The following ACOT11 variants were observed in gnomAD, a reference collection of about 807,000 sequenced individuals.
ACOT11 encodes the protein acyl-CoA thioesterase 11.
ACOT11 carries 69 observed loss-of-function variants against 77.5 expected under a neutral mutation model. That is an observed-to-expected ratio of 0.89 (90% CI 0.73 to 1.09). ACOT11 has a LOEUF of 1.09. Among genes scored for constraint, ACOT11 ranks in the 50% least tolerant of loss-of-function variants. The pLI, the probability that ACOT11 is intolerant of heterozygous loss-of-function variation, is 0.00. For missense variants in ACOT11, 766 were observed against 813.7 expected (o/e 0.94, Z 0.71); for synonymous variants, 279 against 313.0 (o/e 0.89, Z 1.15).
chr1:54,575,713 C>T lies in ACOT11; in HGVS notation c.34-8942C>T, dbSNP rs555653068. Reference sequence around the variant, plus strand: ...CAAATTCTCCCACAATTAATTGAACCTTGTCACAATGGAGAGCACTGCAGA... The same window carrying T: ...CAAATTCTCCCACAATTAATTGAACTTTGTCACAATGGAGAGCACTGCAGA... On this transcript the variant is annotated intron_variant, in intron 1 of 15. Coordinates refer to ENST00000343744, the MANE Select transcript of ACOT11 (RefSeq NM_147161.4). 2.0e-5 allele frequency among the ~76,000 whole-genome samples: 3 copies of T among 152,316 alleles called. No individual in the cohort carries two copies. In the South Asian group the frequency reaches 6.2e-4, roughly 32 times the overall value.
At chr1:54,583,038 C>T (rs578368) in intron 1 of ACOT11, among the ~76,000 whole-genome samples, 62,759 of 151,986 alleles carry the variant, frequency 0.41, 14,557 homozygotes, top group Non-Finnish European at 0.54. Context: ...CCATGCAGGC[C>T]CCCAGCGCAC....
chr1:54,620,845 C>CA (rs767625864), intron 15 of ACOT11, among the ~76,000 whole-genome samples: 1,540 of 12,036 alleles, frequency 0.13, 298 homozygotes, highest in Non-Finnish European at 0.15. Flanking sequence ...GAGACTCTGT[C>CA]AAAAAAAAAA....
chr1:54,611,497 G>T, downstream of ACOT11: 1 of 1,025,160 alleles, frequency 9.8e-7, no homozygotes, highest in Non-Finnish European at 1.5e-6. Flanking sequence ...GTCCCACCCC[G>T]GCCTTCCCCC....
At chr1:54,620,373 G>A (rs1290187950) in intron 15 of ACOT11, among the ~76,000 whole-genome samples, 1 of 152,240 alleles carries the variant, frequency 6.6e-6, no homozygotes, top group Non-Finnish European at 1.5e-5. Flanking sequence ...AGAGCCATTG[G>A]CCTGGTAGAG....
Position 54,554,349 on chromosome 1 carries a change from A to AT in ACOT11, c.33+6008dup, listed in dbSNP as rs1305967505. ...TGTGTGTGTGTATATATATATATAT[A>AT]TATTTTTTTTTTTTTTTTTTGAGAT... On this transcript the variant is annotated intron_variant, in intron 1 of 15. Coordinates refer to ENST00000343744, the MANE Select transcript of ACOT11 (RefSeq NM_147161.4). Among the ~76,000 whole-genome samples the AT allele has an allele frequency of 1.7e-3, 137 of 79,140 alleles. 5 individuals carry two copies. Among genetic ancestry groups the AT allele is most frequent in the East Asian group, 0.011 (34 of 3,064 alleles). The allele number at this position is 79,140 out of a possible 152,430, so 51.9% of individuals were successfully genotyped here.
chr1:54,601,725 C>T (rs978490594), intron 9 of ACOT11, among the ~76,000 whole-genome samples: 9 of 152,150 alleles, frequency 5.9e-5, no homozygotes, highest in African/African-American at 2.2e-4. Context: ...GTTGGAACCT[C>T]GCCTCTACTA....
chr1:54,600,045 G>T (rs1299130593), intron 8 of ACOT11, among the ~76,000 whole-genome samples: 1 of 152,156 alleles, frequency 6.6e-6, no homozygotes, highest in East Asian at 1.9e-4. Context: ...ATAAAATGGG[G>T]CTCATCACAA....
intron 15 of ACOT11, chr1:54,616,101 TG>T (rs1644170449): frequency 6.2e-7 from 1 of 1,614,190 alleles, no homozygotes; most frequent in African/African-American, 1.3e-5. Flanking sequence ...TGTGCCATGA[TG>T]GGAACTCCTG....
intron 1 of ACOT11, 22 bp downstream of exon 1, chr1:54,548,364 A>G: frequency 3.1e-6 from 5 of 1,598,054 alleles, no homozygotes; most frequent in Non-Finnish European, 4.3e-6. Flanking sequence ...GGGCTGGGGC[A>G]GCGGGAGGGC....
At chr1:54,619,255 C>G (rs1327616792) in intron 15 of ACOT11, among the ~76,000 whole-genome samples, 3 of 152,206 alleles carry the variant, frequency 2.0e-5, no homozygotes, top group Non-Finnish European at 4.4e-5. Flanking sequence ...TGAACATTAT[C>G]TACTGAGCTT....
intron 7 of ACOT11, chr1:54,597,620 C>T: frequency 1.5e-6 from 1 of 664,730 alleles, no homozygotes. Flanking sequence ...ATGGGAAACA[C>T]CAGGTCTCTT....
intron 1 of ACOT11, among the ~76,000 whole-genome samples, chr1:54,563,262 T>G (rs1653616010): frequency 6.6e-6 from 1 of 152,224 alleles, no homozygotes; most frequent in African/African-American, 2.4e-5. Context: ...GCTGGGATTA[T>G]AGGTGTCAGC....
intron 1 of ACOT11, among the ~76,000 whole-genome samples, chr1:54,550,659 CGAAAA>C (rs1226236327): frequency 4.1e-5 from 6 of 147,338 alleles, no homozygotes; most frequent in South Asian, 2.2e-4. Context: ...ACCAAAAATA[CGAAAA>C]AAAAAATAGC....
intron 1 of ACOT11, chr1:54,573,142 A>C (rs1180876586): frequency 1.0e-6 from 1 of 985,426 alleles, no homozygotes; most frequent in Non-Finnish European, 1.2e-6. Flanking sequence ...CTGGCCTAGC[A>C]TGTCTGGTTA....
chr1:54,631,202 C>T (rs556720162), intron 16 of ACOT11, among the ~76,000 whole-genome samples: 25 of 152,224 alleles, frequency 1.6e-4, no homozygotes, highest in Middle Eastern at 3.4e-3. Context: ...CCTTGAGCGA[C>T]GTCTCTTAGT....
intron 11 of ACOT11, among the ~76,000 whole-genome samples, 153 bp from the exon 12 acceptor site, chr1:54,604,193 C>T (rs865961937): frequency 5.9e-5 from 9 of 152,220 alleles, no homozygotes; most frequent in Middle Eastern, 3.4e-3. Flanking sequence ...CCCTTCTCAA[C>T]GCCCAGGACT....
intron 15 of ACOT11, chr1:54,616,255 C>G: frequency 8.1e-7 from 1 of 1,240,818 alleles, no homozygotes; most frequent in Non-Finnish European, 1.1e-6. Context: ...TTACAAATTA[C>G]AGAACATTTG....
chr1:54,614,802 C>T (rs150113940), downstream of ACOT11: 5,511 of 1,614,056 alleles, frequency 3.4e-3, 18 homozygotes, highest in Non-Finnish European at 3.7e-3. Flanking sequence ...TGTCAGCTGC[C>T]GCAGGAGGTC....
chr1:54,578,693 G>A (rs1654197550), intron 1 of ACOT11, among the ~76,000 whole-genome samples: 1 of 152,002 alleles, frequency 6.6e-6, no homozygotes, highest in Admixed American at 6.6e-5. Flanking sequence ...TTCCTTGCAT[G>A]CAAAATCAGT....
Sources: allele counts gnomAD v4.1 joint callset (sites outside exome capture counted in the v4.1 genomes callset), GRCh38; gene constraint gnomAD v4.1.1; transcripts MANE v1.5; gene names NCBI Gene and HGNC (gene_info 2026-07-23, HGNC 2026-07-21).